The following ZNF525 variants were observed in gnomAD, a reference collection of about 807,000 sequenced individuals.
The protein encoded by ZNF525 is zinc finger protein 525.
ZNF525 carries 33 observed loss-of-function variants against 37.6 expected under a neutral mutation model. The observed-to-expected ratio is 0.88, with a 90% CI of 0.67 to 1.17. The LOEUF is 1.17. Ranked by LOEUF, ZNF525 falls within the 50% of genes most tolerant of loss-of-function variation. The pLI is 0.00. For missense variants in ZNF525, 449 were observed against 543.1 expected (o/e 0.83, Z 1.72); for synonymous variants, 170 against 182.3 (o/e 0.93, Z 0.54).
chr19:53,367,324 T>A (rs866975667), intron 1 of ZNF525, among the ~76,000 whole-genome samples: 4,640 of 151,162 alleles, frequency 0.031, 232 homozygotes, highest in African/African-American at 0.1. Context: ...TTTTTTTTTT[T>A]AAATTTCTGC....
At chr19:53,368,202 T>A (rs1182827941) in intron 1 of ZNF525, among the ~76,000 whole-genome samples, 2 of 152,180 alleles carry the variant, frequency 1.3e-5, no homozygotes, top group African/African-American at 4.8e-5. Context: ...ACAGTTCTAA[T>A]AGAGACCAGA....
In ZNF525 at chr19:53,382,472, A is replaced by AG. The variant is rs2085574032; in HGVS notation, c.*453_*454insG. ...CACGCCATCATAGACTTCATACTGG[A>AG]AATAAATCTTATAAGTGTAATGAGT... On this transcript the variant is annotated 3_prime_UTR_variant, in exon 4 of 4. Transcript: ENST00000474037. The AG allele has an allele frequency of 4.9e-5, 36 of 737,526 alleles. No individual in the cohort carries two copies. The highest frequency in any genetic ancestry group is 1.2e-5 in the Non-Finnish European group (5 of 406,218). 45.7% of individuals were successfully genotyped at this position (737,526 alleles called of 1,614,324 possible). A position where few individuals can be genotyped will look rare whatever the true frequency, so the allele number is the denominator to read the frequency against.
In ZNF525 at chr19:53,381,686, C is replaced by A; in HGVS notation, c.1107C>A (p.Asn369Lys). The A allele has an allele frequency of 8.9e-7, 1 of 1,117,832 alleles. No individual in the cohort carries two copies. The highest frequency in any genetic ancestry group is 1.4e-6 in the Non-Finnish European group (1 of 726,786). The allele number at this position is 1,117,832 out of a possible 1,614,324, so 69.2% of individuals were successfully genotyped here. The change falls in exon 4 of 4, where the codon AAC becomes AAA. Residue 369 changes from asparagine to lysine, a missense_variant. By Grantham distance (94) the Asn-to-Lys change is moderately conservative. Coordinates refer to ENST00000474037, the MANE Select transcript of ZNF525 (RefSeq NM_001348156.2). ...ACAAAGCTTTCAGTTTCAAATCAAA[C>A]CTTGAAAGTCATAGGATAACTCATA... ...ECDKAFSFKS[N>K]LESHRITHTG...
rs376307602 is a variant in ZNF525, at chr19:53,379,132, T to C, written c.143-1590T>C. ...ATTAGTCAATTCTTTTTTTTTTTCT[T>C]AGAGACGAAGTCTCACCCTGTCACT... On this transcript the variant is annotated intron_variant, in intron 3 of 3. Coordinates refer to ENST00000474037, the MANE Select transcript of ZNF525 (RefSeq NM_001348156.2). Among the ~76,000 whole-genome samples, 11 of 152,202 alleles carry C rather than the reference T, an allele frequency of 7.2e-5. No homozygotes were observed. The East Asian group carries it at 1.7e-3, about 24-fold the overall frequency.
intron 1 of ZNF525, among the ~76,000 whole-genome samples, chr19:53,368,882 T>G (rs1180677932): frequency 6.6e-6 from 1 of 152,146 alleles, no homozygotes; most frequent in Non-Finnish European, 1.5e-5. Context: ...TTACCGGCAT[T>G]TTGGTAAGCA....
At position 53,381,864 on chromosome 19, in the gene ZNF525, C is replaced by T. The variant is rs780483298; in HGVS notation, c.1285C>T (p.His429Tyr). The T allele has an allele frequency of 4.9e-6, 5 of 1,023,748 alleles. No individual in the cohort carries two copies. The highest frequency in any genetic ancestry group is 7.8e-6 in the Non-Finnish European group (5 of 640,572). 63.4% of individuals were successfully genotyped at this position (1,023,748 alleles called of 1,614,324 possible). A position where few individuals can be genotyped will look rare whatever the true frequency, so the allele number is the denominator to read the frequency against. Reference protein sequence around the residue: ...AFRFKSSLERHRRIHNGEKLY... With the variant: ...AFRFKSSLERYRRIHNGEKLY... ...CCGTTTCAAATCAAGTCTTGAAAGA[C>T]ATAGGAGAATTCATAATGGAGAGAA... The change falls in exon 4 of 4, where the codon CAT (histidine) becomes TAT (tyrosine). Residue 429 changes from histidine to tyrosine, a missense_variant. Coordinates refer to ENST00000474037, the MANE Select transcript of ZNF525 (RefSeq NM_001348156.2).
intron 2 of ZNF525, among the ~76,000 whole-genome samples, chr19:53,373,059 C>T (rs535629690): frequency 3.9e-5 from 6 of 152,044 alleles, no homozygotes; most frequent in African/African-American, 9.6e-5. Context: ...CTCATTCCAC[C>T]TGTTACAATT....
chr19:53,373,106 T>G (rs970719204), intron 2 of ZNF525, among the ~76,000 whole-genome samples: 1 of 152,068 alleles, frequency 6.6e-6, no homozygotes, highest in African/African-American at 2.4e-5. Flanking sequence ...TTATTATATT[T>G]TAAATATAAG....
chr19:53,366,427 G>A (rs8104404), intron 1 of ZNF525, among the ~76,000 whole-genome samples: 80,202 of 148,648 alleles, frequency 0.54, 21,259 homozygotes, highest in Admixed American at 0.59. Flanking sequence ...CAAAGGGATC[G>A]GGAGACAGAC....
At chr19:53,372,077 T>TG (rs764592874) in intron 1 of ZNF525, 138 bp from the exon 2 acceptor site, 37 of 440,512 alleles carry the variant, frequency 8.4e-5, no homozygotes, top group Admixed American at 3.0e-4. Context: ...AGGAGTTTAT[T>TG]GTACCTGGTA....
Position 53,381,590 on chromosome 19 carries a change from T to C in ZNF525, c.1011T>C (p.Ser337=), listed in dbSNP as rs2085563824. ...GTAATGAGTGTGGCAAGACCTTTAG[T>C]CAGAAGTCATACCTTGCATGCCATC... ...HKCNECGKTF[S]QKSYLACHRS... The change falls in exon 4 of 4, where the codon AGT becomes AGC. Residue 337 remains serine (S), a synonymous_variant. Transcript: ENST00000474037. 1.8e-6 allele frequency: 2 copies of C among 1,127,202 alleles called. No individual in the cohort carries two copies. The highest frequency in any genetic ancestry group is 3.0e-5 in the African/African-American group (2 of 65,840). 69.8% of individuals were successfully genotyped at this position (1,127,202 alleles called of 1,614,324 possible). A position where few individuals can be genotyped will look rare whatever the true frequency, so the allele number is the denominator to read the frequency against.
At position 53,385,189 on chromosome 19, in the gene ZNF525, G is replaced by T. The variant is rs1291946785; in HGVS notation, c.*3170G>T. ...GTTTTCTAGGACAAGGGATCTTCAA[G>T]AAGTTCTGGAAAAATACATATTATG... On this transcript the variant is annotated 3_prime_UTR_variant, in exon 4 of 4. Transcript: ENST00000474037. 4.0e-6 allele frequency: 2 copies of T among 498,542 alleles called. No individual in the cohort carries two copies. The highest frequency in any genetic ancestry group is 7.0e-6 in the Non-Finnish European group (2 of 284,016). The allele number at this position is 498,542 out of a possible 1,614,324, so 30.9% of individuals were successfully genotyped here.
chr19:53,366,177 A>G (rs74178319), intron 1 of ZNF525, among the ~76,000 whole-genome samples: 42,680 of 123,606 alleles, frequency 0.35, 10,586 homozygotes, highest in Non-Finnish European at 0.51. Flanking sequence ...CTGGGATCCT[A>G]CAAACCCCAC....
intron 1 of ZNF525, among the ~76,000 whole-genome samples, chr19:53,370,413 CAAAAA>C (rs202164037): frequency 2.5e-5 from 3 of 118,266 alleles, no homozygotes; most frequent in Admixed American, 8.7e-5. Flanking sequence ...GACTCCATGT[CAAAAA>C]AAAAAAAAAA....
Position 53,383,118 on chromosome 19 carries a change from GTCA to G in ZNF525, c.*1104_*1106del. 2 of 1,325,288 alleles carry G rather than the reference GTCA, an allele frequency of 1.5e-6. No homozygotes were observed. The highest frequency in any genetic ancestry group is 2.6e-5 in the East Asian group (1 of 37,922). The allele number at this position is 1,325,288 out of a possible 1,614,324, so 82.1% of individuals were successfully genotyped here. On this transcript the variant is annotated 3_prime_UTR_variant, in exon 4 of 4. Transcript: ENST00000474037. ...TTTAATCAACAAGCACACCTTGCAC[GTCA>G]TCATAGAACTCATACTGGAGAGAAA...
At chr19:53,378,573 A>C (rs988011917) in intron 3 of ZNF525, among the ~76,000 whole-genome samples, 1 of 152,204 alleles carries the variant, frequency 6.6e-6, no homozygotes, top group Non-Finnish European at 1.5e-5. Flanking sequence ...TGGGAGGCTT[A>C]AGACACAGAA....
In ZNF525 at chr19:53,382,494, G is replaced by A. The variant is rs964574530; in HGVS notation, c.*475G>A. The A allele has an allele frequency of 1.4e-6, 1 of 704,464 alleles. No homozygotes were observed. Among genetic ancestry groups the A allele is most frequent in the Non-Finnish European group, 2.6e-6 (1 of 381,884 alleles). 43.6% of individuals were successfully genotyped at this position (704,464 alleles called of 1,614,324 possible). ...TGGAAATAAATCTTATAAGTGTAAT[G>A]AGTGTGGCAAGACCTTCAGTAAGGA... On this transcript the variant is annotated 3_prime_UTR_variant, in exon 4 of 4. Transcript: ENST00000474037.
chr19:53,374,564 T>G (rs1431719674), intron 2 of ZNF525, among the ~76,000 whole-genome samples: 2 of 152,310 alleles, frequency 1.3e-5, no homozygotes, highest in South Asian at 4.2e-4. Context: ...ACAAGATTCC[T>G]CCCTGCCCCC....
At chr19:53,368,340 G>A (rs1231247435) in intron 1 of ZNF525, among the ~76,000 whole-genome samples, 1 of 152,144 alleles carries the variant, frequency 6.6e-6, no homozygotes, top group African/African-American at 2.4e-5. Flanking sequence ...TTTCTTTAGT[G>A]TTTTATTATA....
Sources: gnomAD v4.1 joint callset for allele counts (sites outside exome capture counted in the v4.1 genomes callset) on GRCh38, gnomAD v4.1.1 for gene constraint, MANE v1.5 for transcripts, NCBI Gene and HGNC (gene_info 2026-07-23, HGNC 2026-07-21) for gene names.